ARHGAP21: variants seen among roughly 807,000 people sequenced by gnomAD.
ARHGAP21 encodes rho GTPase-activating protein 21.
Under a neutral mutation model 164.6 loss-of-function variants are expected in ARHGAP21, and 38 were observed. That is an observed-to-expected ratio of 0.23 (90% CI 0.18 to 0.30). The LOEUF is 0.30. Among genes scored for constraint, ARHGAP21 ranks in the 10% least tolerant of loss-of-function variants. The pLI is 1.00. For synonymous variants in ARHGAP21, 766 were observed against 857.9 expected, an observed-to-expected ratio of 0.89 and a Z score of 1.87; for missense variants, 1,822 against 2,370.7, an observed-to-expected ratio of 0.77 and a Z score of 4.81.
intron 2 of ARHGAP21, among the ~76,000 whole-genome samples, chr10:24,687,235 C>T (rs1842297839): frequency 6.6e-6 from 1 of 152,128 alleles, no homozygotes; most frequent in Non-Finnish European, 1.5e-5. Flanking sequence ...ACTTACTAAC[C>T]ATATTATAAT....
chr10:24,597,006 C>T, intron 16 of ARHGAP21, 124 bp from the exon 17 acceptor site: 3 of 972,212 alleles, frequency 3.1e-6, no homozygotes, highest in Non-Finnish European at 4.3e-6. Context: ...ATAATACATC[C>T]TATATTTAAC....
intron 4 of ARHGAP21, among the ~76,000 whole-genome samples, chr10:24,643,897 G>A (rs1307061539): frequency 6.6e-6 from 1 of 151,970 alleles, no homozygotes; most frequent in African/African-American, 2.4e-5. Flanking sequence ...TATTTTTATA[G>A]AGACAAGGTC....
In ARHGAP21 at chr10:24,619,470, C is replaced by T. The variant is rs1354673528; in HGVS notation, c.2422+3G>A. 4.3e-6 allele frequency: 7 copies of T among 1,610,934 alleles called. 1 individual carries two copies. The South Asian group carries it at 5.5e-5, about 13-fold the overall frequency. On this transcript the variant is annotated splice_donor_region_variant and intron_variant, in intron 9 of 25. Transcript: ENST00000396432. ...ATTAGCCAATGACTCTAAATGAGCTCACCTATAAATGGGATGGAAGCCAAA... is the reference window on the plus strand; with the variant it reads ...ATTAGCCAATGACTCTAAATGAGCTTACCTATAAATGGGATGGAAGCCAAA...
intron 6 of ARHGAP21, among the ~76,000 whole-genome samples, chr10:24,632,361 GA>G (rs1334964997): frequency 2.0e-5 from 3 of 152,080 alleles, no homozygotes; most frequent in Non-Finnish European, 1.5e-5. Flanking sequence ...TTATTTTGAG[GA>G]AAAAAATTCT....
chr10:24,640,787 G>GA (rs911153702), intron 4 of ARHGAP21, among the ~76,000 whole-genome samples: 4 of 151,154 alleles, frequency 2.6e-5, no homozygotes, highest in African/African-American at 9.7e-5. Flanking sequence ...GACTGCCACA[G>GA]AAAAAAAACA....
intron 4 of ARHGAP21, among the ~76,000 whole-genome samples, chr10:24,656,028 G>A (rs1479037403): frequency 7.6e-5 from 11 of 143,856 alleles, no homozygotes; most frequent in South Asian, 6.8e-4. Context: ...CAGCTGCCCC[G>A]TCTGAGAAGT....
At chr10:24,590,662 A>G in intron 24 of ARHGAP21, 1 of 1,347,670 alleles carries the variant, frequency 7.4e-7, no homozygotes, top group Admixed American at 3.3e-5. Flanking sequence ...TTAACCAAGC[A>G]TTAGGGTGGC....
chr10:24,620,177 C>T lies in ARHGAP21; in HGVS notation c.1718G>A (p.Ser573Asn), dbSNP rs150869834. The T allele has an allele frequency of 2.4e-4, 388 of 1,613,848 alleles. No homozygotes were observed. Among genetic ancestry groups the T allele is most frequent in the Non-Finnish European group, 3.2e-4 (378 of 1,179,880 alleles). ...SVVNSDNRRMSGRGVGSVSQF... is the reference protein window; with the variant it reads ...SVVNSDNRRMNGRGVGSVSQF... ...CGACACAGATCCCACTCCTCTACCA[C>T]TCATTCGCCTGTTATCAGAATTAAC... The change falls in exon 9 of 26, where the codon AGT becomes AAT. Residue 573 changes from serine to asparagine, a missense_variant. Ser to Asn is a conservative substitution (Grantham distance 46). Transcript: ENST00000396432.
intron 2 of ARHGAP21, among the ~76,000 whole-genome samples, chr10:24,684,450 T>C (rs1308852972): frequency 2.6e-5 from 4 of 152,186 alleles, no homozygotes; most frequent in Non-Finnish European, 4.4e-5. Flanking sequence ...TATACAGTAT[T>C]TACATTTTTT....
intron 21 of ARHGAP21, among the ~76,000 whole-genome samples, chr10:24,594,657 T>A (rs1159864750): frequency 3.3e-5 from 5 of 152,226 alleles, no homozygotes; most frequent in African/African-American, 1.2e-4. Context: ...CGTATGCATA[T>A]GTTACCTCTT....
At chr10:24,650,972 A>G (rs1411807525) in intron 4 of ARHGAP21, among the ~76,000 whole-genome samples, 1 of 152,210 alleles carries the variant, frequency 6.6e-6, no homozygotes. Context: ...AGACAAAAAA[A>G]AAAAGGAACT....
At chr10:24,676,665 C>G (rs1264666901) in intron 2 of ARHGAP21, among the ~76,000 whole-genome samples, 2 of 152,092 alleles carry the variant, frequency 1.3e-5, no homozygotes, top group Admixed American at 6.5e-5. Context: ...TGCACTTGTA[C>G]CCCCTAAATC....
At position 24,722,147 on chromosome 10, in the gene ARHGAP21, G is replaced by A; in HGVS notation, c.-248C>T. On this transcript the variant is annotated 5_prime_UTR_variant, in exon 2 of 26. Transcript: ENST00000396432. ...CATTTCTGGAGACTTAAAAACAAAG[G>A]CGACAGGTCTTCTTGGCAGCCAGTG... 1 of 541,078 alleles carries A rather than the reference G, an allele frequency of 1.8e-6. No individual in the cohort carries two copies. Among genetic ancestry groups the A allele is most frequent in the South Asian group, 2.1e-5 (1 of 48,040 alleles). The allele number at this position is 541,078 out of a possible 1,614,324, so 33.5% of individuals were successfully genotyped here.
intron 9 of ARHGAP21, among the ~76,000 whole-genome samples, chr10:24,615,164 T>G (rs1156971716): frequency 6.6e-6 from 1 of 152,178 alleles, no homozygotes; most frequent in African/African-American, 2.4e-5. Flanking sequence ...CACTCCAGTT[T>G]AGGCAACGAA....
chr10:24,702,550 C>CA (rs1565189256), intron 2 of ARHGAP21, among the ~76,000 whole-genome samples: 1 of 151,596 alleles, frequency 6.6e-6, no homozygotes, highest in Non-Finnish European at 1.5e-5. Context: ...CTTCAGAATA[C>CA]AAAAAATGTA....
intron 24 of ARHGAP21, chr10:24,590,323 A>T (rs1345078197): frequency 6.5e-7 from 1 of 1,535,240 alleles, no homozygotes; most frequent in Non-Finnish European, 8.7e-7. Flanking sequence ...ACCACAGATC[A>T]ACTATGTTTG....
intron 2 of ARHGAP21, among the ~76,000 whole-genome samples, chr10:24,675,430 A>C (rs1841119700): frequency 6.6e-6 from 1 of 152,148 alleles, no homozygotes; most frequent in African/African-American, 2.4e-5. Flanking sequence ...GGTGGGTGTA[A>C]GGGTGGAGAT....
Position 24,595,144 on chromosome 10 carries a change from T to C in ARHGAP21, c.3759A>G (p.Leu1253=), listed in dbSNP as rs1238800093. ...GTCTTTTTAATGTTTTCAGACGATC[T>C]AGAGGATCTTCTTTACGATTGGCTT... The part of the protein sequence containing the change: ...FIEANRKEDP[L]DRLKTLKRLI... Residue 1253 remains leucine, a synonymous_variant, in exon 20 of 26, where the codon CTA becomes CTG. Transcript: ENST00000396432. 8.7e-6 allele frequency: 14 copies of C among 1,612,484 alleles called. No homozygotes were observed. Among genetic ancestry groups the C allele is most frequent in the Non-Finnish European group, 1.2e-5 (14 of 1,179,284 alleles).
At position 24,710,968 on chromosome 10, in the gene ARHGAP21, C is replaced by T. The variant is rs898437258; in HGVS notation, c.63+10869G>A. ...AATTGGCTGGGCATGGTGGAGGGTG[C>T]CTGTAGTCCCAGCTACTTGGGAGGC... is the stretch of plus-strand genomic sequence containing the variant. On this transcript the variant is annotated intron_variant, in intron 2 of 25. Coordinates refer to ENST00000396432, the MANE Select transcript of ARHGAP21 (RefSeq NM_020824.4). Among the ~76,000 whole-genome samples, 9 of 151,626 alleles carry T rather than the reference C, an allele frequency of 5.9e-5. No individual in the cohort carries two copies. The East Asian group carries it at 1.7e-3, about 29-fold the overall frequency.
Sources: gnomAD v4.1 joint callset for allele counts (sites outside exome capture counted in the v4.1 genomes callset) on GRCh38, gnomAD v4.1.1 for gene constraint, MANE v1.5 for transcripts, NCBI Gene and HGNC (gene_info 2026-07-23, HGNC 2026-07-21) for gene names.